LRP2: variants seen among roughly 807,000 people sequenced by gnomAD.
The protein encoded by LRP2 is low-density lipoprotein receptor-related protein 2.
Under a neutral mutation model 531.0 loss-of-function variants are expected in LRP2, and 172 were observed. That is an observed-to-expected ratio of 0.32 (90% CI 0.29 to 0.37). The LOEUF (loss-of-function observed/expected upper bound fraction) is 0.37, where lower values mean the gene tolerates loss of function less well. Ranked by LOEUF, LRP2 falls within the 10% of genes least tolerant of loss-of-function variation. The pLI, the probability that LRP2 is intolerant of heterozygous loss-of-function variation, is 1.00. For missense variants in LRP2, 5,167 were observed against 5,868.3 expected, an observed-to-expected ratio of 0.88 and a Z score of 3.90; for synonymous variants, 1,992 against 2,027.6, an observed-to-expected ratio of 0.98 and a Z score of 0.47.
intron 77 of LRP2, among the ~76,000 whole-genome samples, chr2:169,132,002 T>A (rs1442768617): frequency 2.0e-5 from 3 of 152,180 alleles, no homozygotes; most frequent in Non-Finnish European, 4.4e-5. Context: ...TCTAGTGGCA[T>A]TTTTTTCTTT....
At chr2:169,257,818 A>C (rs1194881952) in intron 17 of LRP2, among the ~76,000 whole-genome samples, 1 of 118,062 alleles carries the variant, frequency 8.5e-6, no homozygotes, top group Non-Finnish European at 1.7e-5. Context: ...GCAAAAAAAA[A>C]CAAAAACAAA....
At chr2:169,254,852 T>C (rs1316060609) in intron 19 of LRP2, among the ~76,000 whole-genome samples, 3 of 151,814 alleles carry the variant, frequency 2.0e-5, no homozygotes, top group Admixed American at 2.0e-4. Flanking sequence ...TGACAGCAAA[T>C]AGCATGTGTC....
At position 169,145,846 on chromosome 2, in the gene LRP2, G is replaced by T. The variant is rs1452164991; in HGVS notation, c.12889C>A (p.Gln4297Lys). The T allele has an allele frequency of 6.2e-7, 1 of 1,613,978 alleles. No homozygotes were observed. Among genetic ancestry groups the T allele is most frequent in the Admixed American group, 1.7e-5 (1 of 60,016 alleles). ...TTCTTTCCTTGCCCAAATTTATTTT[G>T]TTTCCATACTTCTCCCTTTTCCTTA... ...ISKEKGEVWK[Q>K]NKFGQGKKEK... is the part of the protein sequence containing the mutation. Residue 4297 changes from glutamine (Q) to lysine (K), a missense_variant, in exon 70 of 79, where the codon CAA becomes AAA. By Grantham distance (53) the Gln-to-Lys change is moderately conservative (BLOSUM62 1). This residue lies in a region of LRP2 where 564 missense variants were observed against 747.7 expected (regional missense o/e 0.75). Transcript: ENST00000649046.
Position 169,243,509 on chromosome 2 carries a change from T to C in LRP2, c.3444A>G (p.Thr1148=), listed in dbSNP as rs147495264. 3.1e-6 allele frequency: 5 copies of C among 1,614,074 alleles called. No homozygotes were observed. The highest frequency in any genetic ancestry group is 1.3e-5 in the African/African-American group (1 of 74,938). ...GGCAATTAAACTGACTAGGTTGGCATGTCTCTGTCGAATCTAATGTCATCC... is the reference window on the plus strand; with the variant it reads ...GGCAATTAAACTGACTAGGTTGGCACGTCTCTGTCGAATCTAATGTCATCC... ...SDEKNCNSTE[T]CQPSQFNCPN... Residue 1148 remains threonine, a synonymous_variant, in exon 23 of 79, where the codon ACA becomes ACG. Coordinates refer to ENST00000649046, the MANE Select transcript of LRP2 (RefSeq NM_004525.3).
intron 1 of LRP2, among the ~76,000 whole-genome samples, chr2:169,334,178 T>C (rs1685340589): frequency 6.6e-6 from 1 of 152,178 alleles, no homozygotes; most frequent in Non-Finnish European, 1.5e-5. Context: ...TAAATATCAT[T>C]AGTAATTACA....
intron 67 of LRP2, among the ~76,000 whole-genome samples, chr2:169,152,121 C>G (rs1481503455): frequency 1.3e-5 from 2 of 152,214 alleles, no homozygotes; most frequent in Non-Finnish European, 2.9e-5. Context: ...TTCTCCACAT[C>G]CATTTGTACC....
chr2:169,327,096 C>A (rs1352897976), intron 1 of LRP2, among the ~76,000 whole-genome samples: 1 of 150,570 alleles, frequency 6.6e-6, no homozygotes, highest in Admixed American at 6.6e-5. Flanking sequence ...GGGGGGTCAG[C>A]CCCCCGCCCG....
chr2:169,217,875 C>T (rs1345298921), intron 34 of LRP2, among the ~76,000 whole-genome samples: 1 of 152,168 alleles, frequency 6.6e-6, no homozygotes, highest in Admixed American at 6.6e-5. Flanking sequence ...TTCTGAAAGA[C>T]ATTTTCCTGT....
chr2:169,224,257 T>C (rs761030651), intron 33 of LRP2, among the ~76,000 whole-genome samples: 9 of 152,348 alleles, frequency 5.9e-5, no homozygotes, highest in Non-Finnish European at 8.8e-5. Flanking sequence ...CTCTGCTAAC[T>C]ATCCCCCTCC....
At chr2:169,337,003 C>T (rs572172737) in intron 1 of LRP2, among the ~76,000 whole-genome samples, 7 of 152,240 alleles carry the variant, frequency 4.6e-5, no homozygotes, top group East Asian at 3.9e-4. Context: ...AGGAATGAGA[C>T]GATTAGAGCC....
intron 34 of LRP2, among the ~76,000 whole-genome samples, chr2:169,220,184 T>A (rs1438374399): frequency 6.6e-6 from 1 of 152,232 alleles, no homozygotes; most frequent in Non-Finnish European, 1.5e-5. Context: ...TATAATGCTA[T>A]TTTAAAATTC....
chr2:169,295,695 C>G (rs1362301626), intron 4 of LRP2, among the ~76,000 whole-genome samples: 1 of 152,092 alleles, frequency 6.6e-6, no homozygotes, highest in Non-Finnish European at 1.5e-5. Flanking sequence ...ACACTTAGTA[C>G]AGGGGTGGGA....
intron 72 of LRP2, among the ~76,000 whole-genome samples, chr2:169,140,064 C>T (rs1462857304): frequency 6.6e-6 from 1 of 152,204 alleles, no homozygotes; most frequent in Non-Finnish European, 1.5e-5. Context: ...TGTACTAAAG[C>T]AGCCCTGCAG....
At chr2:169,289,420 A>G (rs1683943209) in intron 8 of LRP2, among the ~76,000 whole-genome samples, 1 of 152,192 alleles carries the variant, frequency 6.6e-6, no homozygotes, top group South Asian at 2.1e-4. Context: ...AGCCAGGCAC[A>G]GTGGCTCACA....
chr2:169,240,729 TC>T (rs1473008577), intron 25 of LRP2: 1 of 582,284 alleles, frequency 1.7e-6, no homozygotes, highest in African/African-American at 1.9e-5. Flanking sequence ...TCTAATGGCC[TC>T]AATTTAGTCT....
intron 67 of LRP2, among the ~76,000 whole-genome samples, chr2:169,152,219 G>A (rs1401586604): frequency 6.6e-6 from 1 of 152,150 alleles, no homozygotes; most frequent in Non-Finnish European, 1.5e-5. Flanking sequence ...CCACTAGAAG[G>A]TCTAGAAGAA....
rs751639325 is a variant in LRP2 at position 169,206,936 on chromosome 2, G to A, written c.6784C>T (p.Arg2262Cys). The A allele has an allele frequency of 2.9e-5, 47 of 1,614,038 alleles. No individual in the cohort carries two copies. The highest frequency in any genetic ancestry group is 3.3e-5 in the Admixed American group (2 of 59,984). ...ACTTCAGAGTTCTCTCCATTGATAC[G>A]AATCCTTGCAATTATATCTAAAGAA... ...DDSLDIIARI[R>C]INGENSEVIR... Residue 2262 changes from arginine to cysteine, a missense_variant, in exon 39 of 79, where the codon CGT becomes TGT. This residue lies in a region of LRP2 where 2,811 missense variants were observed against 3,058.0 expected (regional missense o/e 0.92). Coordinates refer to ENST00000649046, the MANE Select transcript of LRP2 (RefSeq NM_004525.3).
chr2:169,135,310 A>G (rs1303070990), intron 76 of LRP2, among the ~76,000 whole-genome samples: 1 of 152,112 alleles, frequency 6.6e-6, no homozygotes, highest in East Asian at 1.9e-4. Flanking sequence ...GGACTGGCAA[A>G]TTGACTTTAC....
rs1392974083 is a variant in LRP2, at chr2:169,309,919, TC to T, written c.311-2523del. On this transcript the variant is annotated intron_variant, in intron 3 of 78. Transcript: ENST00000649046. ...TTTCACTGAGAATGGTTTGTAGTTC[TC>T]CTTGAAGAGGTCCTTCACATCCCTT... Among the ~76,000 whole-genome samples the T allele has an allele frequency of 2.0e-5, 3 of 152,208 alleles. No homozygotes were observed. In the South Asian group the frequency reaches 6.2e-4, roughly 32 times the overall value.
Sources: allele counts gnomAD v4.1 joint callset (sites outside exome capture counted in the v4.1 genomes callset), GRCh38; gene constraint gnomAD v4.1.1; regional missense constraint gnomAD v4.1.1; transcripts MANE v1.5; gene names NCBI Gene and HGNC (gene_info 2026-07-23, HGNC 2026-07-21).